The following TNFRSF19 variants were observed in gnomAD, a reference collection of about 807,000 sequenced individuals.
TNFRSF19 encodes TNF receptor superfamily member 19.
Under a neutral mutation model 46.4 loss-of-function variants are expected in TNFRSF19, and 27 were observed. The ratio of observed to expected loss-of-function variants is 0.58; its 90% CI spans 0.43 to 0.80. The LOEUF is 0.80. Among genes scored for constraint, TNFRSF19 ranks in the 30% least tolerant of loss-of-function variants. The pLI is 0.00. For synonymous variants in TNFRSF19, 204 were observed against 205.0 expected (o/e 1.00, Z 0.04); for missense variants, 511 against 530.8 (o/e 0.96, Z 0.37).
intron 5 of TNFRSF19, among the ~76,000 whole-genome samples, chr13:23,647,546 G>A (rs1447922118): frequency 6.6e-6 from 1 of 152,022 alleles, no homozygotes; most frequent in Non-Finnish European, 1.5e-5. Context: ...GGGACTACAG[G>A]TGACACCACC....
chr13:23,635,760 A>G (rs1882638425), intron 5 of TNFRSF19, among the ~76,000 whole-genome samples: 1 of 152,238 alleles, frequency 6.6e-6, no homozygotes, highest in East Asian at 1.9e-4. Context: ...AGTTTTATCT[A>G]TTGTAAGTCA....
intron 5 of TNFRSF19, among the ~76,000 whole-genome samples, chr13:23,642,534 T>C (rs1883088946): frequency 6.6e-6 from 1 of 152,202 alleles, no homozygotes; most frequent in South Asian, 2.1e-4. Context: ...GTTACACAGC[T>C]AGTGCATGCA....
intron 5 of TNFRSF19, among the ~76,000 whole-genome samples, chr13:23,635,163 A>G (rs9510790): frequency 6.6e-6 from 1 of 151,984 alleles, no homozygotes; most frequent in South Asian, 2.1e-4. Flanking sequence ...CTCCAGGTGA[A>G]CTCCGAGGGA....
intron 4 of TNFRSF19, among the ~76,000 whole-genome samples, chr13:23,625,225 G>A (rs910054989): frequency 1.3e-5 from 2 of 151,944 alleles, no homozygotes; most frequent in African/African-American, 4.8e-5. Flanking sequence ...AGGACACCTG[G>A]CATTCTATTG....
Position 23,615,890 on chromosome 13 carries a change from G to A in TNFRSF19, c.204G>A (p.Glu68=), listed in dbSNP as rs777109108. The A allele has an allele frequency of 3.7e-6, 6 of 1,611,196 alleles. No individual in the cohort carries two copies. The highest frequency in any genetic ancestry group is 5.1e-6 in the Non-Finnish European group (6 of 1,178,296). The change falls in exon 4 of 10, where the codon GAG becomes GAA. Residue 68 remains glutamate (E), a synonymous_variant. Coordinates refer to ENST00000248484, the MANE Select transcript of TNFRSF19 (RefSeq NM_148957.4). ...AGGAATGTGGCTTCGGCTATGGGGA[G>A]GATGCACAGTGTGTGACGTGCCGGC... The part of the protein sequence containing the change: ...LSKECGFGYG[E]DAQCVTCRLH...
intron 4 of TNFRSF19, among the ~76,000 whole-genome samples, chr13:23,617,437 G>A (rs1057297185): frequency 6.6e-6 from 1 of 151,938 alleles, no homozygotes; most frequent in African/African-American, 2.4e-5. Flanking sequence ...CAGACAGCTG[G>A]AGGAGAGAGT....
At chr13:23,606,380 A>G (rs1389822746) in intron 3 of TNFRSF19, among the ~76,000 whole-genome samples, 2 of 152,060 alleles carry the variant, frequency 1.3e-5, no homozygotes, top group African/African-American at 4.8e-5. Context: ...ACCAGGACAA[A>G]TTGAATGAGG....
Position 23,597,308 on chromosome 13 carries a change from C to G in TNFRSF19, c.180+3853C>G, listed in dbSNP as rs1373537089. On this transcript the variant is annotated intron_variant, in intron 3 of 9. Coordinates refer to ENST00000248484, the MANE Select transcript of TNFRSF19 (RefSeq NM_148957.4). ...CTTTAAAAATCAATTAATCCAGGAGCTGTTTTTTTTAAAAGATTAACAAAA... is the reference window on the plus strand; with the variant it reads ...CTTTAAAAATCAATTAATCCAGGAGGTGTTTTTTTTAAAAGATTAACAAAA... Among the ~76,000 whole-genome samples the G allele has an allele frequency of 7.2e-5, 11 of 151,904 alleles. No homozygotes were observed. The East Asian group carries it at 2.1e-3, about 29-fold the overall frequency.
chr13:23,629,305 C>T (rs988086272), intron 5 of TNFRSF19, among the ~76,000 whole-genome samples: 3 of 152,206 alleles, frequency 2.0e-5, no homozygotes, highest in South Asian at 4.1e-4. Context: ...TCCCAGGTGG[C>T]TCGGAGTCTG....
intron 3 of TNFRSF19, among the ~76,000 whole-genome samples, chr13:23,598,301 G>A (rs969122213): frequency 3.3e-5 from 5 of 152,104 alleles, no homozygotes; most frequent in African/African-American, 4.8e-5. Flanking sequence ...GGATTGATGG[G>A]TGCAGCAAAC....
At position 23,643,737 on chromosome 13, in the gene TNFRSF19, T is replaced by C. The variant is rs191987524; in HGVS notation, c.446-15313T>C. Among the ~76,000 whole-genome samples, 13 of 152,336 alleles carry C rather than the reference T, an allele frequency of 8.5e-5. No individual in the cohort carries two copies. In the East Asian group the frequency reaches 2.5e-3, roughly 29 times the overall value. On this transcript the variant is annotated intron_variant, in intron 5 of 9. Coordinates refer to ENST00000248484, the MANE Select transcript of TNFRSF19 (RefSeq NM_148957.4). ...GGCGAGAAGGTGCGAAGATCCTCCA[T>C]GGGATATCTCCAGAGTCCTGCTCTG...
At chr13:23,638,643 C>T (rs1359129427) in intron 5 of TNFRSF19, among the ~76,000 whole-genome samples, 1 of 152,200 alleles carries the variant, frequency 6.6e-6, no homozygotes, top group African/African-American at 2.4e-5. Flanking sequence ...ATCTCAGCTG[C>T]GGTGGCCGTC....
At position 23,673,680 on chromosome 13, in the gene TNFRSF19, G is replaced by A. The variant is rs960571248; in HGVS notation, c.*300G>A. The A allele has an allele frequency of 5.1e-6, 3 of 583,334 alleles. No homozygotes were observed. The African/African-American group carries it at 5.8e-5, about 11-fold the overall frequency. The allele number at this position is 583,334 out of a possible 1,614,324, so 36.1% of individuals were successfully genotyped here. On this transcript the variant is annotated 3_prime_UTR_variant, in exon 10 of 10. Coordinates refer to ENST00000248484, the MANE Select transcript of TNFRSF19 (RefSeq NM_148957.4). ...CTTCAAAGACGGATGGGTTGAGCTGGCAGCCTATGAGATTGTGGACATATA... is the reference window on the plus strand; with the variant it reads ...CTTCAAAGACGGATGGGTTGAGCTGACAGCCTATGAGATTGTGGACATATA...
chr13:23,596,697 G>A lies in TNFRSF19; in HGVS notation c.180+3242G>A, dbSNP rs962742947. ...CTGTCAATATTAGACAGATCAACGA[G>A]ACAGAAAATTAACAAGGATATTCAG... On this transcript the variant is annotated intron_variant, in intron 3 of 9. Transcript: ENST00000248484. Among the ~76,000 whole-genome samples the A allele has an allele frequency of 4.9e-4, 74 of 152,264 alleles. 1 individual carries two copies. Among genetic ancestry groups the A allele is most frequent in the African/African-American group, 1.7e-3 (69 of 41,534 alleles).
At chr13:23,625,518 TG>T (rs1881942537) in intron 4 of TNFRSF19, among the ~76,000 whole-genome samples, 1 of 151,670 alleles carries the variant, frequency 6.6e-6, no homozygotes, top group Admixed American at 6.6e-5. Context: ...TTAGTAGAGA[TG>T]GGGTTTCACC....
At chr13:23,585,034 T>C (rs1366646922) in intron 1 of TNFRSF19, among the ~76,000 whole-genome samples, 4 of 152,160 alleles carry the variant, frequency 2.6e-5, no homozygotes, top group Non-Finnish European at 5.9e-5. Context: ...TTCGTGATTA[T>C]GTTGTGCCAT....
chr13:23,654,054 C>G (rs1198200014), intron 5 of TNFRSF19, among the ~76,000 whole-genome samples: 1 of 152,172 alleles, frequency 6.6e-6, no homozygotes, highest in Non-Finnish European at 1.5e-5. Flanking sequence ...GAAAAAAAGT[C>G]TTGTTTGTGG....
intron 1 of TNFRSF19, among the ~76,000 whole-genome samples, chr13:23,586,257 CAAAAAA>C (rs34228080): frequency 1.1e-5 from 1 of 91,952 alleles, no homozygotes; most frequent in Non-Finnish European, 2.1e-5. Context: ...GACTCCGTCT[CAAAAAA>C]AAAAAAAAAA....
intron 1 of TNFRSF19, among the ~76,000 whole-genome samples, chr13:23,573,450 G>A (rs1012153239): frequency 6.6e-6 from 1 of 150,508 alleles, no homozygotes; most frequent in Non-Finnish European, 1.5e-5. Flanking sequence ...GCATCAATGT[G>A]ATGTGGAATT....
Sources: gnomAD v4.1 joint callset for allele counts (sites outside exome capture counted in the v4.1 genomes callset) on GRCh38, gnomAD v4.1.1 for gene constraint, MANE v1.5 for transcripts, NCBI Gene and HGNC (gene_info 2026-07-23, HGNC 2026-07-21) for gene names.